ADAM23: variants seen among roughly 807,000 people sequenced by gnomAD.
ADAM23 encodes the protein ADAM metallopeptidase domain 23.
Under a neutral mutation model 120.1 loss-of-function variants are expected in ADAM23, and 33 were observed. The ratio of observed to expected loss-of-function variants is 0.27; its 90% confidence interval spans 0.21 to 0.37. The LOEUF is 0.37. Ranked by LOEUF, ADAM23 falls within the 10% of genes least tolerant of loss-of-function variation. The pLI is 1.00. For missense variants in ADAM23, 862 were observed against 1,058.2 expected, an observed-to-expected ratio of 0.81 and a Z score of 2.57; for synonymous variants, 367 against 375.2, an observed-to-expected ratio of 0.98 and a Z score of 0.25.
intron 6 of ADAM23, among the ~76,000 whole-genome samples, chr2:206,546,997 A>T (rs749281997): frequency 1.3e-5 from 2 of 152,154 alleles, no homozygotes; most frequent in Non-Finnish European, 2.9e-5. Context: ...AAGGTGTGAG[A>T]GTGCTTTTGG....
intron 10 of ADAM23, among the ~76,000 whole-genome samples, chr2:206,557,772 G>C (rs2105819368): frequency 6.6e-6 from 1 of 152,246 alleles, no homozygotes. Flanking sequence ...AAAAACAGTG[G>C]AGAAATAGCT....
intron 12 of ADAM23, among the ~76,000 whole-genome samples, chr2:206,561,730 T>C (rs1462772508): frequency 6.6e-6 from 1 of 152,180 alleles, no homozygotes. Flanking sequence ...AAATTCTTAA[T>C]TGGTAACAGC....
At chr2:206,567,022 T>C (rs1697898389) in intron 14 of ADAM23, among the ~76,000 whole-genome samples, 1 of 152,214 alleles carries the variant, frequency 6.6e-6, no homozygotes, top group Non-Finnish European at 1.5e-5. Flanking sequence ...CCCAAATCTT[T>C]GATTTTCTTT....
chr2:206,607,271 A>G (rs1698745703), intron 24 of ADAM23: 1 of 152,234 alleles, frequency 6.6e-6, no homozygotes, highest in Non-Finnish European at 1.5e-5. Context: ...GGATAAAAAT[A>G]TTTAGAGACA....
intron 2 of ADAM23, among the ~76,000 whole-genome samples, chr2:206,467,292 G>T (rs1695560862): frequency 6.6e-6 from 1 of 152,096 alleles, no homozygotes; most frequent in Admixed American, 6.6e-5. Context: ...AGTCCCTTCT[G>T]CCTATGCACC....
chr2:206,448,662 C>T (rs985960314), intron 2 of ADAM23, among the ~76,000 whole-genome samples: 6 of 152,092 alleles, frequency 3.9e-5, no homozygotes, highest in Non-Finnish European at 8.8e-5. Flanking sequence ...TCACCAATAG[C>T]CAGTGATTTA....
chr2:206,532,885 A>G (rs1423182877), intron 4 of ADAM23, among the ~76,000 whole-genome samples: 1 of 152,156 alleles, frequency 6.6e-6, no homozygotes, highest in Non-Finnish European at 1.5e-5. Context: ...TACATCCCTT[A>G]TAATTGCTTC....
At chr2:206,518,401 A>G (rs1189286750) in intron 3 of ADAM23, among the ~76,000 whole-genome samples, 2 of 152,182 alleles carry the variant, frequency 1.3e-5, no homozygotes, top group African/African-American at 4.8e-5. Context: ...ATGTCTTTCA[A>G]AGTGACATCA....
At chr2:206,446,415 G>A (rs1695083246) in intron 2 of ADAM23, among the ~76,000 whole-genome samples, 1 of 152,296 alleles carries the variant, frequency 6.6e-6, no homozygotes, top group Non-Finnish European at 1.5e-5. Flanking sequence ...ATCTGTACTT[G>A]TTCAGGTGAG....
chr2:206,538,056 A>G (rs547258897), intron 4 of ADAM23, among the ~76,000 whole-genome samples: 17 of 152,316 alleles, frequency 1.1e-4, no homozygotes, highest in African/African-American at 3.8e-4. Context: ...AGCAGATGAC[A>G]CTAGTCCTCA....
Position 206,573,408 on chromosome 2 carries a change from G to T in ADAM23, c.1737+213G>T, listed in dbSNP as rs146762642. ...TACACTTTATACACATCGCCTGAAG[G>T]TAATTTTATGTAATATTTTAAGTAA... On this transcript the variant is annotated intron_variant, in intron 18 of 25. Coordinates refer to ENST00000264377, the MANE Select transcript of ADAM23 (RefSeq NM_003812.4). 3.1e-3 allele frequency among the ~76,000 whole-genome samples: 467 copies of T among 152,208 alleles called. 2 individuals carry two copies. Among genetic ancestry groups the T allele is most frequent in the African/African-American group, 0.011 (445 of 41,532 alleles).
At chr2:206,610,778 C>T (rs919211676) in intron 25 of ADAM23, among the ~76,000 whole-genome samples, 5 of 152,204 alleles carry the variant, frequency 3.3e-5, no homozygotes, top group Non-Finnish European at 7.3e-5. Flanking sequence ...GCTATTTCTA[C>T]ACTCCAGAAT....
chr2:206,609,367 A>G (rs1483704380), intron 24 of ADAM23, among the ~76,000 whole-genome samples: 1 of 152,210 alleles, frequency 6.6e-6, no homozygotes, highest in Non-Finnish European at 1.5e-5. Flanking sequence ...TTTGAGAGCA[A>G]GGCTTCAAAA....
intron 5 of ADAM23, among the ~76,000 whole-genome samples, chr2:206,543,033 G>A (rs969950823): frequency 6.6e-6 from 1 of 152,168 alleles, no homozygotes; most frequent in African/African-American, 2.4e-5. Context: ...TGCATTTGAT[G>A]TATACTTTTA....
At chr2:206,607,930 A>G in intron 24 of ADAM23, 1 of 416,824 alleles carries the variant, frequency 2.4e-6, no homozygotes, top group South Asian at 1.7e-5. Context: ...ATCATTTTTC[A>G]TGAATTATGT....
chr2:206,516,083 G>A (rs551588498), intron 3 of ADAM23, among the ~76,000 whole-genome samples: 9 of 151,764 alleles, frequency 5.9e-5, no homozygotes, highest in African/African-American at 1.4e-4. Context: ...ATGGACATTC[G>A]TATATACCCA....
chr2:206,551,621 A>G (rs1697527873), intron 9 of ADAM23, among the ~76,000 whole-genome samples: 2 of 152,208 alleles, frequency 1.3e-5, no homozygotes, highest in Non-Finnish European at 2.9e-5. Flanking sequence ...AGTACATGGT[A>G]TGATAAGGTT....
At chr2:206,445,936 C>T (rs1281110568) in intron 2 of ADAM23, among the ~76,000 whole-genome samples, 2 of 152,192 alleles carry the variant, frequency 1.3e-5, no homozygotes, top group Admixed American at 6.5e-5. Context: ...CTTCAAGAAG[C>T]TATTTGGCTG....
chr2:206,446,080 A>G lies in ADAM23; in HGVS notation c.432+556A>G, dbSNP rs147030158. 1.3e-3 allele frequency among the ~76,000 whole-genome samples: 192 copies of G among 152,352 alleles called. 1 individual carries two copies. Among genetic ancestry groups the G allele is most frequent in the Non-Finnish European group, 1.1e-3 (78 of 68,030 alleles). ...AAACAATTTGACATTTAAAAAGATT[A>G]TGGTGACTAGACACAAATTATTTGC... On this transcript the variant is annotated intron_variant, in intron 2 of 25. Transcript: ENST00000264377.
Sources: allele counts gnomAD v4.1 joint callset (sites outside exome capture counted in the v4.1 genomes callset), GRCh38; gene constraint gnomAD v4.1.1; transcripts MANE v1.5; gene names NCBI Gene and HGNC (gene_info 2026-07-23, HGNC 2026-07-21).